Variants in MAGI2 observed in about 807,000 individuals in gnomAD.
The protein encoded by MAGI2 is membrane-associated guanylate kinase, WW and PDZ domain-containing protein 2.
In MAGI2, 35 loss-of-function variants were observed where a neutral mutation model predicts 133.3. That is an observed-to-expected ratio of 0.26 (90% CI 0.20 to 0.35). The LOEUF (loss-of-function observed/expected upper bound fraction) is 0.35. MAGI2 is among the 10% of genes least tolerant of loss of function. The pLI is 1.00. For synonymous variants in MAGI2, 729 were observed against 710.6 expected (o/e 1.03, Z -0.41); for missense variants, 1,636 against 1,863.4 (o/e 0.88, Z 2.25).
At chr7:78,426,450 C>T (rs1799282526) in intron 6 of MAGI2, among the ~76,000 whole-genome samples, 1 of 151,636 alleles carries the variant, frequency 6.6e-6, no homozygotes, top group South Asian at 2.1e-4. Context: ...ACTCTGGGGA[C>T]TGTTGTGGGG....
chr7:78,354,443 G>C (rs546877564), intron 7 of MAGI2, among the ~76,000 whole-genome samples: 2 of 152,274 alleles, frequency 1.3e-5, no homozygotes, highest in Admixed American at 1.3e-4. Context: ...ACCGGGCAAT[G>C]GCAAAGGCAA....
intron 2 of MAGI2, among the ~76,000 whole-genome samples, chr7:78,888,258 C>G (rs1265463763): frequency 1.3e-5 from 2 of 152,230 alleles, no homozygotes; most frequent in African/African-American, 4.8e-5. Context: ...GAGCCCACCA[C>G]AGCTCAAGGA....
chr7:78,616,440 G>A (rs369644307), intron 3 of MAGI2: 3 of 152,122 alleles, frequency 2.0e-5, no homozygotes, highest in Admixed American at 2.0e-4. Flanking sequence ...TTTGGGGTGT[G>A]TGTGTGTGTG....
intron 2 of MAGI2, among the ~76,000 whole-genome samples, chr7:78,654,467 T>C (rs1351458249): frequency 6.6e-6 from 1 of 151,856 alleles, no homozygotes; most frequent in Non-Finnish European, 1.5e-5. Context: ...GTTTGGGGAA[T>C]GTTGCATTTT....
intron 21 of MAGI2, among the ~76,000 whole-genome samples, chr7:78,057,977 G>GTGTATATATATA (rs762943472): frequency 9.4e-6 from 1 of 106,610 alleles, no homozygotes; most frequent in South Asian, 3.3e-4. Context: ...ATATATATGT[G>GTGTATATATATA]TATATATATA....
At chr7:78,239,992 T>C (rs1304455207) in intron 10 of MAGI2, among the ~76,000 whole-genome samples, 1 of 152,048 alleles carries the variant, frequency 6.6e-6, no homozygotes, top group Admixed American at 6.5e-5. Context: ...CTAGAACTTT[T>C]TTTTTTAATA....
intron 3 of MAGI2, among the ~76,000 whole-genome samples, chr7:78,530,500 G>A (rs1290740263): frequency 2.6e-5 from 4 of 152,130 alleles, no homozygotes; most frequent in East Asian, 1.9e-4. Flanking sequence ...TTGTGTTCAC[G>A]GGTAGGACTG....
intron 1 of MAGI2, among the ~76,000 whole-genome samples, chr7:79,069,181 C>T (rs1235469010): frequency 6.6e-6 from 1 of 152,044 alleles, no homozygotes; most frequent in East Asian, 1.9e-4. Context: ...GTTGACCTGT[C>T]CAGTGTGGAC....
chr7:79,078,500 A>G (rs1403665991), intron 1 of MAGI2, among the ~76,000 whole-genome samples: 3 of 152,210 alleles, frequency 2.0e-5, no homozygotes, highest in Non-Finnish European at 4.4e-5. Context: ...AATCCATTCT[A>G]AAGTTGGAAT....
rs546258710 is a variant in MAGI2 at position 78,993,213 on chromosome 7, G to A, written c.418+13877C>T. On this transcript the variant is annotated intron_variant, in intron 2 of 21. Transcript: ENST00000354212. Reference sequence around the variant, plus strand: ...AGCTTATAACCAGTTAGCATAATATGTATGTATAATTAGGAGCCAGAGTAT... The same window carrying A: ...AGCTTATAACCAGTTAGCATAATATATATGTATAATTAGGAGCCAGAGTAT... Among the ~76,000 whole-genome samples the A allele has an allele frequency of 4.6e-5, 7 of 152,074 alleles. No individual in the cohort carries two copies. In the East Asian group the frequency reaches 9.7e-4, roughly 21 times the overall value.
At chr7:78,406,174 G>C (rs985907575) in intron 6 of MAGI2, among the ~76,000 whole-genome samples, 1 of 151,902 alleles carries the variant, frequency 6.6e-6, no homozygotes, top group Non-Finnish European at 1.5e-5. Context: ...GAAAAAAATT[G>C]AGACCCTCCA....
intron 6 of MAGI2, among the ~76,000 whole-genome samples, chr7:78,400,150 A>ATAT (rs1796724897): frequency 6.6e-6 from 1 of 152,188 alleles, no homozygotes; most frequent in Non-Finnish European, 1.5e-5. Flanking sequence ...ATGGACCAAT[A>ATAT]CCATCGAGCT....
intron 3 of MAGI2, among the ~76,000 whole-genome samples, chr7:78,605,223 A>G (rs1805677252): frequency 6.6e-6 from 1 of 152,222 alleles, no homozygotes; most frequent in Admixed American, 6.5e-5. Flanking sequence ...GGTAGAACTA[A>G]GGAGAAATGG....
At chr7:78,516,233 G>A (rs148706727) in intron 4 of MAGI2, among the ~76,000 whole-genome samples, 4 of 152,322 alleles carry the variant, frequency 2.6e-5, no homozygotes, top group East Asian at 1.9e-4. Context: ...ATGGGAGCCC[G>A]TGCTAACAGA....
intron 16 of MAGI2, among the ~76,000 whole-genome samples, chr7:78,148,468 A>G (rs1223304814): frequency 6.6e-6 from 1 of 152,208 alleles, no homozygotes; most frequent in Non-Finnish European, 1.5e-5. Flanking sequence ...ACTTTACTAT[A>G]TAGAAATTAA....
At position 79,390,206 on chromosome 7, in the gene MAGI2, T is replaced by C. The variant is rs140676041; in HGVS notation, c.301+62814A>G. 1.8e-4 allele frequency among the ~76,000 whole-genome samples: 28 copies of C among 152,234 alleles called. No homozygotes were observed. In the East Asian group the frequency reaches 2.3e-3, roughly 13 times the overall value. On this transcript the variant is annotated intron_variant, in intron 1 of 21. Coordinates refer to ENST00000354212, the MANE Select transcript of MAGI2 (RefSeq NM_012301.4). ...TCTGGGTTTGCATGGCTCCTAAAAATGTCTGAATGACTAGAAGAACCAGAA... is the reference window on the plus strand; with the variant it reads ...TCTGGGTTTGCATGGCTCCTAAAAACGTCTGAATGACTAGAAGAACCAGAA...
chr7:79,124,508 G>A (rs190922200), intron 1 of MAGI2, among the ~76,000 whole-genome samples: 78 of 152,278 alleles, frequency 5.1e-4, no homozygotes, highest in East Asian at 1.9e-4. Flanking sequence ...CCAAGTTTGC[G>A]CTGTCAATCA....
At chr7:78,961,312 A>G (rs1802819677) in intron 2 of MAGI2, among the ~76,000 whole-genome samples, 1 of 152,026 alleles carries the variant, frequency 6.6e-6, no homozygotes, top group African/African-American at 2.4e-5. Context: ...CAGCCCCTCG[A>G]GGCTCCCCTG....
chr7:78,125,574 A>G (rs561082899), intron 20 of MAGI2, 120 bp downstream of exon 20: 143 of 961,046 alleles, frequency 1.5e-4, no homozygotes, highest in Non-Finnish European at 1.9e-4. Flanking sequence ...GTCATCATCA[A>G]CTAGAAAGAG....
Sources: gnomAD v4.1 joint callset for allele counts (sites outside exome capture counted in the v4.1 genomes callset) on GRCh38, gnomAD v4.1.1 for gene constraint, MANE v1.5 for transcripts, NCBI Gene and HGNC (gene_info 2026-07-23, HGNC 2026-07-21) for gene names.